Variants in NDUFAF2 observed in about 807,000 individuals in gnomAD.
NDUFAF2 encodes the protein NADH:ubiquinone oxidoreductase complex assembly factor 2.
A neutral mutation model predicts 22.8 loss-of-function variants in NDUFAF2; 13 were observed. That is an observed-to-expected ratio of 0.57 (90% CI 0.37 to 0.91). The LOEUF is 0.91. Among genes scored for constraint, NDUFAF2 ranks in the 40% least tolerant of loss-of-function variants. The pLI, the probability that NDUFAF2 is intolerant of heterozygous loss-of-function variation, is 0.01. For missense variants in NDUFAF2, 162 were observed against 195.2 expected (o/e 0.83, Z 1.01); for synonymous variants, 53 against 64.2 (o/e 0.83, Z 0.84).
chr5:61,018,966 A>C (rs1751545540), intron 1 of NDUFAF2, among the ~76,000 whole-genome samples: 1 of 152,082 alleles, frequency 6.6e-6, no homozygotes, highest in Non-Finnish European at 1.5e-5. Context: ...ACAAAAAATA[A>C]GTCTTAAGAT....
chr5:61,082,280 A>G (rs572323415), intron 2 of NDUFAF2, among the ~76,000 whole-genome samples: 17 of 152,232 alleles, frequency 1.1e-4, no homozygotes, highest in Admixed American at 4.6e-4. Context: ...TTTATTTTTT[A>G]GAGATGGGGA....
intron 1 of NDUFAF2, among the ~76,000 whole-genome samples, chr5:61,050,013 A>G (rs1343849985): frequency 1.3e-5 from 2 of 152,036 alleles, no homozygotes; most frequent in Non-Finnish European, 2.9e-5. Context: ...GCCATTGTGA[A>G]TAATGCTGCA....
At chr5:61,131,881 G>A (rs1753116150) in intron 3 of NDUFAF2, among the ~76,000 whole-genome samples, 1 of 89,428 alleles carries the variant, frequency 1.1e-5, no homozygotes, top group South Asian at 4.3e-4. Flanking sequence ...CTATTTTGTA[G>A]ATTTCTGTTG....
chr5:61,087,624 C>T (rs1248888552), intron 2 of NDUFAF2, among the ~76,000 whole-genome samples: 1 of 152,150 alleles, frequency 6.6e-6, no homozygotes, highest in Non-Finnish European at 1.5e-5. Context: ...AACATACACA[C>T]TTATCCTACA....
At chr5:61,032,833 G>A (rs185866443) in intron 1 of NDUFAF2, among the ~76,000 whole-genome samples, 3 of 152,096 alleles carry the variant, frequency 2.0e-5, no homozygotes, top group African/African-American at 7.2e-5. Context: ...CCCATTAATG[G>A]GATTACTCAG....
intron 1 of NDUFAF2, among the ~76,000 whole-genome samples, chr5:61,035,160 G>A (rs1000449749): frequency 5.3e-5 from 8 of 150,952 alleles, no homozygotes; most frequent in Non-Finnish European, 1.2e-4. Flanking sequence ...TCTGAACCCC[G>A]GGCTCAAGCG....
chr5:60,982,563 C>T (rs1408056587), intron 1 of NDUFAF2, among the ~76,000 whole-genome samples: 3 of 114,292 alleles, frequency 2.6e-5, no homozygotes, highest in African/African-American at 1.0e-4. Flanking sequence ...CCCCACCCCA[C>T]ATCAGGCCCT....
intron 1 of NDUFAF2, among the ~76,000 whole-genome samples, chr5:60,949,411 A>C (rs999589385): frequency 4.6e-5 from 7 of 152,188 alleles, no homozygotes; most frequent in African/African-American, 1.4e-4. Flanking sequence ...ATTCCATGTT[A>C]ATGGATGTAC....
At chr5:60,998,298 A>G (rs544655877) in intron 1 of NDUFAF2, among the ~76,000 whole-genome samples, 1 of 152,152 alleles carries the variant, frequency 6.6e-6, no homozygotes, top group Non-Finnish European at 1.5e-5. Flanking sequence ...TCTTTCTAGA[A>G]TGTATTATTA....
intron 1 of NDUFAF2, among the ~76,000 whole-genome samples, chr5:60,971,592 C>T (rs1278808489): frequency 6.6e-6 from 1 of 152,044 alleles, no homozygotes; most frequent in African/African-American, 2.4e-5. Flanking sequence ...CGGCATATCC[C>T]CTAATGCTAT....
intron 3 of NDUFAF2, among the ~76,000 whole-genome samples, chr5:61,118,665 C>T (rs1276973952): frequency 6.6e-6 from 1 of 152,020 alleles, no homozygotes. Flanking sequence ...ATTCAGTATA[C>T]AATAAGCTAG....
intron 1 of NDUFAF2, among the ~76,000 whole-genome samples, chr5:61,051,426 A>G (rs1752022544): frequency 6.6e-6 from 1 of 152,204 alleles, no homozygotes; most frequent in Admixed American, 6.5e-5. Context: ...CAAAGTTGTT[A>G]TCATGCTGAG....
intron 1 of NDUFAF2, among the ~76,000 whole-genome samples, chr5:61,003,835 T>C (rs1751330574): frequency 6.6e-6 from 1 of 151,800 alleles, no homozygotes; most frequent in African/African-American, 2.4e-5. Context: ...TTTTTATTTA[T>C]TTATTTTTTA....
chr5:61,000,454 A>G (rs918286985), intron 1 of NDUFAF2, among the ~76,000 whole-genome samples: 2 of 152,118 alleles, frequency 1.3e-5, no homozygotes, highest in African/African-American at 4.8e-5. Flanking sequence ...CTTTATTTAG[A>G]ATTAATTTAT....
At chr5:61,027,109 T>G (rs1468104621) in intron 1 of NDUFAF2, among the ~76,000 whole-genome samples, 2 of 151,828 alleles carry the variant, frequency 1.3e-5, no homozygotes, top group African/African-American at 2.4e-5. Context: ...CCAGAAAACA[T>G]GTAAATTAAA....
intron 3 of NDUFAF2, among the ~76,000 whole-genome samples, chr5:61,136,944 G>C (rs1428694488): frequency 6.6e-6 from 1 of 152,208 alleles, no homozygotes; most frequent in East Asian, 1.9e-4. Flanking sequence ...AAGAACTGCA[G>C]AAGTTTGAAG....
chr5:61,100,231 A>G (rs1157213325), intron 3 of NDUFAF2, among the ~76,000 whole-genome samples: 2 of 152,190 alleles, frequency 1.3e-5, no homozygotes, highest in Middle Eastern at 3.2e-3. Flanking sequence ...CTTGGTCATA[A>G]TAAGAGCTAC....
intron 3 of NDUFAF2, among the ~76,000 whole-genome samples, chr5:61,118,301 T>C (rs978193731): frequency 2.6e-5 from 4 of 152,112 alleles, no homozygotes; most frequent in African/African-American, 9.7e-5. Context: ...AAAGCATCAA[T>C]AAAAATTAGT....
chr5:61,027,187 A>G (rs1751661125), intron 1 of NDUFAF2, among the ~76,000 whole-genome samples: 1 of 151,746 alleles, frequency 6.6e-6, no homozygotes, highest in African/African-American at 2.4e-5. Context: ...AACTGATTAC[A>G]GTTGTTTTGT....
Sources: allele counts gnomAD v4.1 joint callset (sites outside exome capture counted in the v4.1 genomes callset), GRCh38; gene constraint gnomAD v4.1.1; transcripts MANE v1.5; gene names NCBI Gene and HGNC (gene_info 2026-07-23, HGNC 2026-07-21).